FOXN3: variants seen among roughly 807,000 people sequenced by gnomAD.
The protein encoded by FOXN3 is forkhead box protein N3.
A neutral mutation model predicts 38.4 loss-of-function variants in FOXN3; 7 were observed. The observed-to-expected ratio is 0.18, with a 90% CI of 0.10 to 0.34. The LOEUF (loss-of-function observed/expected upper bound fraction) is 0.34. FOXN3 is among the 10% of genes least tolerant of loss of function. FOXN3 has a pLI of 1.00. For missense variants in FOXN3, 456 were observed against 613.4 expected, an observed-to-expected ratio of 0.74 and a Z score of 2.71; for synonymous variants, 230 against 242.2, an observed-to-expected ratio of 0.95 and a Z score of 0.47.
Position 89,340,124 on chromosome 14 carries a change from T to TA in FOXN3, c.680+10547dup, listed in dbSNP as rs892578881. Among the ~76,000 whole-genome samples the TA allele has an allele frequency of 1.2e-4, 18 of 151,956 alleles. 1 individual carries two copies. The highest frequency in any genetic ancestry group is 1.0e-3 in the Admixed American group (16 of 15,258). On this transcript the variant is annotated intron_variant, in intron 3 of 5. Coordinates refer to ENST00000557258, the MANE Select transcript of FOXN3 (RefSeq NM_005197.4). ...GGAAGGGGGGTGCAGGGGAAGGAGG[T>TA]AAAAAAAGCTACTAAAATTTGGTAA...
chr14:89,416,080 A>G (rs116163567), intron 1 of FOXN3, among the ~76,000 whole-genome samples: 1,877 of 152,278 alleles, frequency 0.012, 52 homozygotes, highest in African/African-American at 0.043. Flanking sequence ...CCCAGAGCCG[A>G]GCAGTAGCGA....
chr14:89,186,693 A>G (rs945253890), intron 4 of FOXN3, among the ~76,000 whole-genome samples: 2 of 152,184 alleles, frequency 1.3e-5, no homozygotes, highest in Non-Finnish European at 2.9e-5. Flanking sequence ...AATGTTTCCT[A>G]TGCTGCAAAC....
intron 1 of FOXN3, among the ~76,000 whole-genome samples, chr14:89,526,915 T>G (rs910477418): frequency 6.6e-6 from 1 of 152,192 alleles, no homozygotes; most frequent in Non-Finnish European, 1.5e-5. Flanking sequence ...TGGAACAGAA[T>G]AGAGTCCAGA....
chr14:89,404,647 C>A (rs1891342039), intron 2 of FOXN3, among the ~76,000 whole-genome samples: 1 of 151,954 alleles, frequency 6.6e-6, no homozygotes, highest in African/African-American at 2.4e-5. Flanking sequence ...CCCTCAGAGA[C>A]CCTGGTAAAC....
intron 1 of FOXN3, among the ~76,000 whole-genome samples, chr14:89,572,189 G>T (rs1223698331): frequency 6.6e-6 from 1 of 152,166 alleles, no homozygotes; most frequent in Non-Finnish European, 1.5e-5. Context: ...AATCACTAAA[G>T]TATACAGATC....
intron 1 of FOXN3, among the ~76,000 whole-genome samples, chr14:89,480,318 A>G (rs150067262): frequency 0.015 from 2,329 of 151,870 alleles, 60 homozygotes; most frequent in African/African-American, 0.054. Context: ...CAGGAGAATC[A>G]CTTCAACTCG....
intron 1 of FOXN3, among the ~76,000 whole-genome samples, chr14:89,611,528 C>T (rs534799339): frequency 5.3e-4 from 81 of 152,246 alleles, no homozygotes; most frequent in Non-Finnish European, 1.1e-3. Flanking sequence ...ATAATGAGGC[C>T]GGGCGCGGTG....
At chr14:89,254,753 C>G (rs912247701) in intron 4 of FOXN3, among the ~76,000 whole-genome samples, 1 of 152,068 alleles carries the variant, frequency 6.6e-6, no homozygotes, top group Admixed American at 6.5e-5. Context: ...TCTGAACACT[C>G]GTCTCCTCCA....
chr14:89,230,839 T>TC (rs755736245), intron 4 of FOXN3: 3 of 455,972 alleles, frequency 6.6e-6, no homozygotes, highest in South Asian at 3.1e-5. Context: ...CAGCCTTGTT[T>TC]CTCAATGGAG....
At chr14:89,360,767 TACCACCTCCACCACC>T (rs1889496204) in intron 2 of FOXN3, among the ~76,000 whole-genome samples, 275 of 17,802 alleles carry the variant, frequency 0.015, 18 homozygotes, top group Middle Eastern at 0.05. Context: ...CCTCCACCAC[TACCACCTCCACCACC>T]ACCTCCACCA....
At chr14:89,340,601 A>G (rs1036135768) in intron 3 of FOXN3, among the ~76,000 whole-genome samples, 1 of 152,214 alleles carries the variant, frequency 6.6e-6, no homozygotes, top group African/African-American at 2.4e-5. Context: ...GACTCTGGCC[A>G]AGAACATGTG....
chr14:89,490,279 T>C (rs1170982180), intron 1 of FOXN3, among the ~76,000 whole-genome samples: 4 of 152,230 alleles, frequency 2.6e-5, no homozygotes, highest in Non-Finnish European at 5.9e-5. Flanking sequence ...CAGTCCACTT[T>C]TGTTTTTAAT....
At chr14:89,325,823 G>A (rs866443350) in intron 3 of FOXN3, among the ~76,000 whole-genome samples, 7 of 152,302 alleles carry the variant, frequency 4.6e-5, no homozygotes, top group Non-Finnish European at 7.4e-5. Flanking sequence ...GCCCCTGGGG[G>A]CTCAATGAAC....
chr14:89,180,556 T>A, intron 5 of FOXN3, 145 bp downstream of exon 5: 1 of 522,212 alleles, frequency 1.9e-6, no homozygotes, highest in East Asian at 3.3e-5. Context: ...TTGGGGTTAC[T>A]TTCACATTTC....
chr14:89,350,248 C>T (rs2140007556), intron 3 of FOXN3: 1 of 154,052 alleles, frequency 6.5e-6, no homozygotes, highest in Non-Finnish European at 1.4e-5. Flanking sequence ...TACATGGAGA[C>T]TGCGAAAGAC....
intron 2 of FOXN3, among the ~76,000 whole-genome samples, chr14:89,400,984 G>A (rs529327448): frequency 5.3e-5 from 8 of 152,314 alleles, no homozygotes; most frequent in African/African-American, 1.9e-4. Flanking sequence ...GGAAGGTCTA[G>A]GAGAGCAGCC....
intron 3 of FOXN3, among the ~76,000 whole-genome samples, chr14:89,349,097 A>G (rs1330560574): frequency 1.3e-5 from 2 of 152,146 alleles, no homozygotes; most frequent in Non-Finnish European, 2.9e-5. Flanking sequence ...GTAGAATGAC[A>G]AAGAAACATG....
At chr14:89,449,276 C>T (rs568301474) in intron 1 of FOXN3, among the ~76,000 whole-genome samples, 1 of 152,350 alleles carries the variant, frequency 6.6e-6, no homozygotes, top group Admixed American at 6.5e-5. Context: ...TCCTAACCTT[C>T]TGAACCATCT....
intron 1 of FOXN3, among the ~76,000 whole-genome samples, chr14:89,490,726 A>G (rs1018363051): frequency 6.6e-6 from 1 of 152,210 alleles, no homozygotes; most frequent in African/African-American, 2.4e-5. Context: ...ATGGGTCCAG[A>G]TGCTTTTGGT....
Sources: allele counts gnomAD v4.1 joint callset (sites outside exome capture counted in the v4.1 genomes callset), GRCh38; gene constraint gnomAD v4.1.1; transcripts MANE v1.5; gene names NCBI Gene and HGNC (gene_info 2026-07-23, HGNC 2026-07-21).